Variants in RALY observed in about 807,000 individuals in gnomAD.
RALY encodes RALY heterogeneous nuclear ribonucleoprotein, also known as RNA-binding protein Raly.
Under a neutral mutation model 30.7 loss-of-function variants are expected in RALY, and 15 were observed. The ratio of observed to expected loss-of-function variants is 0.49; its 90% CI spans 0.33 to 0.75. The LOEUF (loss-of-function observed/expected upper bound fraction) is 0.75. Among genes scored for constraint, RALY ranks in the 30% least tolerant of loss-of-function variants. The probability of loss-of-function intolerance (pLI) is 0.02; values close to 1 mark genes in which losing one functional copy is unlikely to be tolerated. For synonymous variants in RALY, 177 were observed against 170.8 expected (o/e 1.04, Z -0.28); for missense variants, 339 against 414.3 (o/e 0.82, Z 1.58).
chr20:34,028,593 A>G (rs2032135621), intron 1 of RALY, among the ~76,000 whole-genome samples: 1 of 150,342 alleles, frequency 6.7e-6, no homozygotes, highest in Non-Finnish European at 1.5e-5. Flanking sequence ...AGTCCCAGCT[A>G]CTCAGGAGGC....
rs181601237 is a variant in RALY at position 34,000,320 on chromosome 20, A to T, written c.-93+6189A>T. ...CTTTTTATAGCCCTGTTTCCTCATA[A>T]AATCATCTGGGGGGGTCCCTGAAAT... On this transcript the variant is annotated intron_variant, in intron 1 of 9. Transcript: ENST00000246194. Among the ~76,000 whole-genome samples the T allele has an allele frequency of 2.3e-3, 349 of 151,866 alleles. 1 individual carries two copies. Among genetic ancestry groups the T allele is most frequent in the African/African-American group, 7.5e-3 (309 of 41,380 alleles).
At chr20:34,071,961 G>A (rs1335710367) in intron 2 of RALY, 105 bp from the exon 3 acceptor site, 2 of 1,283,322 alleles carry the variant, frequency 1.6e-6, no homozygotes, top group African/African-American at 3.0e-5. Flanking sequence ...GATGCTATAA[G>A]GGTTAAGGAA....
intron 2 of RALY, among the ~76,000 whole-genome samples, chr20:34,043,623 C>T (rs1191081951): frequency 6.6e-6 from 1 of 152,156 alleles, no homozygotes; most frequent in African/African-American, 2.4e-5. Flanking sequence ...CTTTCCAGTC[C>T]TTTCTCCAAT....
intron 6 of RALY, chr20:34,076,281 C>G: frequency 1.7e-6 from 1 of 579,740 alleles, no homozygotes; most frequent in South Asian, 2.1e-5. Flanking sequence ...GAAATGGTGC[C>G]ATCTTTCCTC....
intron 2 of RALY, among the ~76,000 whole-genome samples, chr20:34,038,904 G>T (rs927927865): frequency 3.9e-5 from 6 of 152,342 alleles, no homozygotes; most frequent in Admixed American, 2.6e-4. Context: ...GATACCATGT[G>T]TTGAGTGTCA....
chr20:33,997,124 G>GT (rs1057343256), intron 1 of RALY, among the ~76,000 whole-genome samples: 14 of 151,810 alleles, frequency 9.2e-5, no homozygotes, highest in Non-Finnish European at 1.3e-4. Flanking sequence ...CTTATACCCT[G>GT]TTTTTTTTGG....
intron 2 of RALY, among the ~76,000 whole-genome samples, chr20:34,062,473 T>G (rs1364596000): frequency 6.6e-6 from 1 of 152,208 alleles, no homozygotes; most frequent in Admixed American, 6.5e-5. Flanking sequence ...CCACCAGGGA[T>G]AACACAAATT....
intron 2 of RALY, among the ~76,000 whole-genome samples, chr20:34,035,175 A>ACAAC (rs1555804037): frequency 2.9e-5 from 4 of 138,792 alleles, no homozygotes; most frequent in Non-Finnish European, 6.1e-5. Context: ...AAAAAAAAAA[A>ACAAC]AAAAAAAAAA....
In RALY at chr20:34,073,880, G is replaced by A. The variant is rs1212556172; in HGVS notation, c.377+14G>A. The A allele has an allele frequency of 6.2e-7, 1 of 1,613,324 alleles. No individual in the cohort carries two copies. Among genetic ancestry groups the A allele is most frequent in the Admixed American group, 1.7e-5 (1 of 59,990 alleles). On this transcript the variant is annotated intron_variant, in intron 5 of 9. Transcript: ENST00000246194. ...CTTCTACGACAGGTGAGCAGGGGAGGGGCGTGCCCAGGCATGAAACAGCCA... is the reference window on the plus strand; with the variant it reads ...CTTCTACGACAGGTGAGCAGGGGAGAGGCGTGCCCAGGCATGAAACAGCCA...
chr20:34,018,948 T>A (rs2031711761), intron 1 of RALY, among the ~76,000 whole-genome samples: 1 of 152,184 alleles, frequency 6.6e-6, no homozygotes, highest in Non-Finnish European at 1.5e-5. Context: ...TCTTCTGGTC[T>A]AGGGCTAAAT....
chr20:34,035,024 G>T (rs569061061), intron 2 of RALY, among the ~76,000 whole-genome samples: 117 of 151,976 alleles, frequency 7.7e-4, no homozygotes, highest in African/African-American at 2.8e-3. Context: ...GTGGTGGCGG[G>T]TGTCTGTAGT....
rs750137725 is a variant in RALY at position 34,072,265 on chromosome 20, A to G, written c.191A>G (p.Asn64Ser). 79 of 1,614,012 alleles carry G rather than the reference A, an allele frequency of 4.9e-5. No homozygotes were observed. Among genetic ancestry groups the G allele is most frequent in the Admixed American group, 6.7e-5 (4 of 59,990 alleles). The change falls in exon 3 of 10, where the codon AAT becomes AGT. Residue 64 changes from asparagine (N) to serine (S), a missense_variant. Transcript: ENST00000246194. ...GGCTATGCCTTTGTTCAGTACTCCA[A>G]TGAGCGCCATGCCCGGGCAGCTGTG... ...HKGYAFVQYSNERHARAAVLG... is the reference protein window; with the variant it reads ...HKGYAFVQYSSERHARAAVLG...
At chr20:34,016,612 G>C (rs2031616460) in intron 1 of RALY, 1 of 152,238 alleles carries the variant, frequency 6.6e-6, no homozygotes, top group African/African-American at 2.4e-5. Context: ...GAAGTAAAAA[G>C]ATATGCATTA....
At chr20:34,007,639 G>A (rs577919236) in intron 1 of RALY, among the ~76,000 whole-genome samples, 1 of 151,382 alleles carries the variant, frequency 6.6e-6, no homozygotes, top group South Asian at 2.1e-4. Flanking sequence ...GACCAATATG[G>A]TGAAACCCCA....
At chr20:34,059,980 C>T (rs1329789155) in intron 2 of RALY, among the ~76,000 whole-genome samples, 2 of 152,180 alleles carry the variant, frequency 1.3e-5, no homozygotes, top group African/African-American at 2.4e-5. Context: ...TCCTTATGAG[C>T]TCTGGCAGCT....
intron 1 of RALY, among the ~76,000 whole-genome samples, chr20:34,003,891 C>T (rs553048039): frequency 2.6e-5 from 4 of 152,016 alleles, no homozygotes; most frequent in South Asian, 4.2e-4. Context: ...CGCCCGCCTC[C>T]GCCTCCCAAA....
chr20:34,042,975 A>G (rs1266844146), intron 2 of RALY, among the ~76,000 whole-genome samples: 1 of 152,238 alleles, frequency 6.6e-6, no homozygotes, highest in Non-Finnish European at 1.5e-5. Context: ...ATTTTCCTTA[A>G]CATACAATCA....
intron 2 of RALY, among the ~76,000 whole-genome samples, chr20:34,042,622 G>C (rs944383192): frequency 6.6e-6 from 1 of 152,148 alleles, no homozygotes; most frequent in Admixed American, 6.5e-5. Flanking sequence ...TTGTTTAACT[G>C]ATTAATGTGG....
At chr20:34,004,434 A>G (rs2122986457) in intron 1 of RALY, among the ~76,000 whole-genome samples, 1 of 152,330 alleles carries the variant, frequency 6.6e-6, no homozygotes, top group East Asian at 1.9e-4. Context: ...TTTTCCAGAA[A>G]GAATGGTCAC....
Sources: gnomAD v4.1 joint callset for allele counts (sites outside exome capture counted in the v4.1 genomes callset) on GRCh38, gnomAD v4.1.1 for gene constraint, MANE v1.5 for transcripts, NCBI Gene and HGNC (gene_info 2026-07-23, HGNC 2026-07-21) for gene names.